The following ZNF708 variants were observed in gnomAD, a reference collection of about 807,000 sequenced individuals.
ZNF708 encodes ZNF15, ZNF15L1.
Under a neutral mutation model 47.0 loss-of-function variants are expected in ZNF708, and 44 were observed. The ratio of observed to expected loss-of-function variants is 0.94; its 90% CI spans 0.74 to 1.20. The LOEUF (loss-of-function observed/expected upper bound fraction) is 1.20, where lower values mean the gene tolerates loss of function less well. Ranked by LOEUF, ZNF708 falls within the 50% of genes most tolerant of loss-of-function variation. ZNF708 has a pLI of 0.00. For missense variants in ZNF708, 557 were observed against 656.0 expected, an observed-to-expected ratio of 0.85 and a Z score of 1.65; for synonymous variants, 184 against 218.5, an observed-to-expected ratio of 0.84 and a Z score of 1.39.
At chr19:21,307,080 TAA>T (rs1398319852) in intron 3 of ZNF708, 1 of 110,658 alleles carries the variant, frequency 9.0e-6, no homozygotes, top group African/African-American at 3.5e-5. Context: ...TAAAATAAAA[TAA>T]AATATAAAAT....
intron 1 of ZNF708, among the ~76,000 whole-genome samples, chr19:21,314,886 C>T (rs904706002): frequency 1.3e-5 from 2 of 152,146 alleles, no homozygotes; most frequent in Non-Finnish European, 1.5e-5. Context: ...AAAATGCCTA[C>T]GTAATTGTGA....
rs1049087611 is a variant in ZNF708 at position 21,293,730 on chromosome 19, T to C, written c.1236A>G (p.Val412=). ...TKSSTLTYHK[V]IHTGKKPYKC... is the part of the protein sequence containing the mutation. ...TGTAGGGTTTCTTTCCAGTATGAATTACCTTATGATAAGTAAGAGTTGAGG... is the reference window on the plus strand; with the variant it reads ...TGTAGGGTTTCTTTCCAGTATGAATCACCTTATGATAAGTAAGAGTTGAGG... Residue 412 remains valine (V), a synonymous_variant, in exon 4 of 4, where the codon GTA becomes GTG. Coordinates refer to ENST00000356929, the MANE Select transcript of ZNF708 (RefSeq NM_021269.3). 6.2e-7 allele frequency: 1 copy of C among 1,613,464 alleles called. No homozygotes were observed. Among genetic ancestry groups the C allele is most frequent in the African/African-American group, 1.3e-5 (1 of 74,996 alleles).
rs773994338 is a variant in ZNF708 at position 21,294,710 on chromosome 19, T to C, written c.256A>G (p.Arg86Gly). 1.3e-5 allele frequency: 20 copies of C among 1,598,316 alleles called. No individual in the cohort carries two copies. In the Middle Eastern group the frequency reaches 8.4e-4, roughly 68 times the overall value. Reference sequence around the variant, plus strand: ...GAATTTTTTATATATTGCTCTGGCCTAAGGTCTTTGGCAAAATGAGAACAC... The same window carrying C: ...GAATTTTTTATATATTGCTCTGGCCCAAGGTCTTTGGCAAAATGAGAACAC... ...AMCSHFAKDLRPEQYIKNSFQ... is the reference protein window; with the variant it reads ...AMCSHFAKDLGPEQYIKNSFQ... Residue 86 changes from arginine to glycine, a missense_variant, in exon 4 of 4, where the codon AGG becomes GGG. Physicochemically the swap from Arg to Gly is moderately radical, Grantham distance 125. Transcript: ENST00000356929.
At chr19:21,311,121 A>G (rs1423714751) in intron 1 of ZNF708, among the ~76,000 whole-genome samples, 1 of 152,196 alleles carries the variant, frequency 6.6e-6, no homozygotes, top group Non-Finnish European at 1.5e-5. Context: ...TTGGCCCAAA[A>G]AGAATATTTT....
At chr19:21,307,474 T>C (rs1385186012) in intron 3 of ZNF708, among the ~76,000 whole-genome samples, 1 of 152,008 alleles carries the variant, frequency 6.6e-6, no homozygotes, top group Non-Finnish European at 1.5e-5. Flanking sequence ...ATACAAAAAT[T>C]AGCTGGGCAT....
intron 3 of ZNF708, among the ~76,000 whole-genome samples, chr19:21,297,362 C>A (rs1285357883): frequency 2.1e-5 from 3 of 139,570 alleles, no homozygotes; most frequent in Non-Finnish European, 3.0e-5. Context: ...ACCTACATTT[C>A]CCGGATTCAA....
chr19:21,294,232 A>AT lies in ZNF708; in HGVS notation c.733dup (p.Ile245AsnfsTer11). On this transcript the variant is annotated frameshift_variant, in exon 4 of 4. Coordinates refer to ENST00000356929, the MANE Select transcript of ZNF708 (RefSeq NM_021269.3). LOFTEE classifies it high-confidence loss of function. ...TTTGTAGAGTTTCTCTCCAGTATGA[A>AT]TTATCTTATGTCTAGTAAGAGTTGA... The AT allele has an allele frequency of 6.2e-7, 1 of 1,612,884 alleles. No individual in the cohort carries two copies. Among genetic ancestry groups the AT allele is most frequent in the Non-Finnish European group, 8.5e-7 (1 of 1,179,936 alleles).
chr19:21,310,670 G>C, intron 1 of ZNF708, 43 bp from the exon 2 acceptor site: 1 of 1,387,106 alleles, frequency 7.2e-7, no homozygotes, highest in Non-Finnish European at 9.4e-7. Context: ...AAGTGGTTAT[G>C]GACAGAATTT....
chr19:21,300,490 G>T (rs1472073731), intron 3 of ZNF708, among the ~76,000 whole-genome samples: 2 of 138,358 alleles, frequency 1.4e-5, no homozygotes, highest in African/African-American at 5.4e-5. Flanking sequence ...TGGACAACAA[G>T]AACGAAACTC....
intron 1 of ZNF708, among the ~76,000 whole-genome samples, chr19:21,320,536 A>C (rs1945990715): frequency 6.6e-6 from 1 of 151,812 alleles, no homozygotes; most frequent in African/African-American, 2.4e-5. Flanking sequence ...AAAATACAAA[A>C]AGAAACATTA....
intron 1 of ZNF708, among the ~76,000 whole-genome samples, chr19:21,313,979 C>G (rs998804049): frequency 1.3e-5 from 2 of 152,112 alleles, no homozygotes; most frequent in African/African-American, 4.8e-5. Context: ...AATTAAGACC[C>G]TAAAATACAT....
intron 3 of ZNF708, among the ~76,000 whole-genome samples, chr19:21,303,176 T>G (rs975104747): frequency 6.6e-6 from 1 of 152,076 alleles, no homozygotes; most frequent in Admixed American, 6.6e-5. Flanking sequence ...CATCAGAGTT[T>G]GGAAAGTTGA....
intron 1 of ZNF708, among the ~76,000 whole-genome samples, chr19:21,326,129 A>G (rs181914935): frequency 3.9e-5 from 6 of 152,336 alleles, no homozygotes; most frequent in Non-Finnish European, 8.8e-5. Flanking sequence ...TGTAAACTAG[A>G]AAAGCCACTA....
chr19:21,293,320 T>C lies in ZNF708; in HGVS notation c.1646A>G (p.Lys549Arg), dbSNP rs1156705075. The change falls in exon 4 of 4, where the codon AAA (lysine) becomes AGA (arginine). Residue 549 changes from lysine to arginine, a missense_variant. Coordinates refer to ENST00000356929, the MANE Select transcript of ZNF708 (RefSeq NM_021269.3). Reference protein sequence around the residue: ...KAFNQSPNLTKHKRIHTKEKP... With the variant: ...KAFNQSPNLTRHKRIHTKEKP... ...CTCTTTGGTATGAATTCTCTTATGT[T>C]TAGTAAGGTTTGGGGACTGGTTAAA... 6.2e-7 allele frequency: 1 copy of C among 1,612,658 alleles called. No homozygotes were observed. The highest frequency in any genetic ancestry group is 1.3e-5 in the African/African-American group (1 of 74,986).
chr19:21,323,939 C>G (rs777850545), intron 1 of ZNF708, among the ~76,000 whole-genome samples: 2 of 152,190 alleles, frequency 1.3e-5, no homozygotes, highest in Non-Finnish European at 2.9e-5. Context: ...TTCACTTGGT[C>G]TTTGAAACTT....
chr19:21,294,556 C>T lies in ZNF708; in HGVS notation c.410G>A (p.Ser137Asn), dbSNP rs758781629. 3.1e-6 allele frequency: 5 copies of T among 1,613,972 alleles called. No homozygotes were observed. The East Asian group carries it at 8.9e-5, about 29-fold the overall frequency. Reference sequence around the variant, plus strand: ...GTATTTGTCACACTGAACTATTTTGCTCTGGGTAGTTGTCACACACCGGTT... The same window carrying T: ...GTATTTGTCACACTGAACTATTTTGTTCTGGGTAGTTGTCACACACCGGTT... ...GLNRCVTTTQ[S>N]KIVQCDKYVK... is the part of the protein sequence containing the mutation. The change falls in exon 4 of 4, where the codon AGC (serine) becomes AAC (asparagine). Residue 137 changes from serine (S) to asparagine (N), a missense_variant. Coordinates refer to ENST00000356929, the MANE Select transcript of ZNF708 (RefSeq NM_021269.3).
chr19:21,318,471 G>C (rs964858626), intron 1 of ZNF708: 3 of 152,088 alleles, frequency 2.0e-5, no homozygotes. Flanking sequence ...TGTATCTTGA[G>C]AAAAAACTCA....
At chr19:21,319,942 T>C (rs866739942) in intron 1 of ZNF708, among the ~76,000 whole-genome samples, 3 of 151,700 alleles carry the variant, frequency 2.0e-5, no homozygotes, top group Non-Finnish European at 2.9e-5. Flanking sequence ...TTGGGAGGCC[T>C]AGGCAGGCAG....
chr19:21,309,482 T>G (rs894166257), intron 2 of ZNF708, 141 bp from the exon 3 acceptor site: 7 of 700,750 alleles, frequency 1.0e-5, no homozygotes, highest in Admixed American at 3.5e-5. Flanking sequence ...CCGAGGTGGG[T>G]AGATCACCTG....
Sources: gnomAD v4.1 joint callset for allele counts (sites outside exome capture counted in the v4.1 genomes callset) on GRCh38, gnomAD v4.1.1 for gene constraint, MANE v1.5 for transcripts, NCBI Gene and HGNC (gene_info 2026-07-23, HGNC 2026-07-21) for gene names.